The following SF3B1 variants were observed in gnomAD, a reference collection of about 807,000 sequenced individuals.
The protein encoded by SF3B1 is pre-mRNA processing 10.
A neutral mutation model predicts 153.8 loss-of-function variants in SF3B1; 12 were observed. That is an observed-to-expected ratio of 0.08 (90% CI 0.05 to 0.13). The LOEUF is 0.13. Ranked by LOEUF, SF3B1 falls within the 10% of genes least tolerant of loss-of-function variation. The pLI, the probability that SF3B1 is intolerant of heterozygous loss-of-function variation, is 1.00. For missense variants in SF3B1, 513 were observed against 1,606.1 expected (o/e 0.32, Z 11.63); for synonymous variants, 498 against 525.2 (o/e 0.95, Z 0.71).
rs762572327 is a variant in SF3B1 at position 197,393,140 on chromosome 2, T to C, written c.3588A>G (p.Ser1196=). 5.0e-6 allele frequency: 8 copies of C among 1,613,948 alleles called. No homozygotes were observed. The highest frequency in any genetic ancestry group is 6.8e-6 in the Non-Finnish European group (8 of 1,180,006). Residue 1196 remains serine (S), a synonymous_variant, in exon 24 of 25, where the codon TCA becomes TCG. Coordinates refer to ENST00000335508, the MANE Select transcript of SF3B1 (RefSeq NM_012433.4). ...CACAACCAAATCCATAAACCCCAAG[T>C]GACATGTGCTGTACCACTGCACTAG... ...QTASAVVQHM[S]LGVYGFGCED...
At chr2:197,396,469 G>T in intron 22 of SF3B1, 141 bp from the exon 23 acceptor site, 1 of 660,828 alleles carries the variant, frequency 1.5e-6, no homozygotes, top group Non-Finnish European at 2.5e-6. Flanking sequence ...ATACTTTCAA[G>T]TCACTGGCAT....
intron 5 of SF3B1, among the ~76,000 whole-genome samples, chr2:197,417,405 A>T (rs1024914909): frequency 3.3e-5 from 5 of 152,120 alleles, no homozygotes; most frequent in Non-Finnish European, 5.9e-5. Flanking sequence ...CATCCCATTT[A>T]ACTCATTCAA....
At chr2:197,423,278 T>A (rs58020244) in intron 2 of SF3B1, among the ~76,000 whole-genome samples, 21,096 of 151,344 alleles carry the variant, frequency 0.14, 1,838 homozygotes, top group Middle Eastern at 0.27. Flanking sequence ...TCCCAGCTAT[T>A]TGGGAGGCTG....
intron 6 of SF3B1, among the ~76,000 whole-genome samples, chr2:197,411,320 T>C (rs1474952374): frequency 3.9e-5 from 6 of 152,242 alleles, no homozygotes; most frequent in Admixed American, 3.9e-4. Flanking sequence ...TTTGTACTTA[T>C]ATACTGCCTC....
chr2:197,421,857 C>T (rs2244271), intron 2 of SF3B1, among the ~76,000 whole-genome samples: 107,043 of 151,808 alleles, frequency 0.71, 38,411 homozygotes, highest in Middle Eastern at 0.86. Context: ...GGTGTGCATA[C>T]GTAGTCCCAG....
At chr2:197,418,437 C>G in intron 5 of SF3B1, 72 bp downstream of exon 5, 1 of 1,145,162 alleles carries the variant, frequency 8.7e-7, no homozygotes, top group South Asian at 1.5e-5. Context: ...AAAAAGAAAC[C>G]TAACAGTCTC....
rs1407058339 is a variant in SF3B1, at chr2:197,390,589, C to CT, written c.*1713dup. The stretch of plus-strand genomic sequence containing the variant: ...CCAACTTGGAAACCCTTAATGCTCA[C>CT]TATCAATTTGTTGAAAGTCAATTTT... On this transcript the variant is annotated 3_prime_UTR_variant, in exon 25 of 25. Transcript: ENST00000335508. The CT allele has an allele frequency of 6.7e-6, 1 of 150,340 alleles. No individual in the cohort carries two copies. Among genetic ancestry groups the CT allele is most frequent in the Non-Finnish European group, 1.5e-5 (1 of 67,882 alleles). The allele number at this position is 150,340 out of a possible 1,614,324, so 9.3% of individuals were successfully genotyped here.
At chr2:197,399,065 C>G in intron 20 of SF3B1, 3 of 1,300,640 alleles carry the variant, frequency 2.3e-6, no homozygotes, top group Non-Finnish European at 3.0e-6. Flanking sequence ...AAGGAGGCAG[C>G]TGGCAGGGGC....
chr2:197,434,738 T>C (rs1008253573), intron 1 of SF3B1, among the ~76,000 whole-genome samples: 10 of 152,144 alleles, frequency 6.6e-5, no homozygotes, highest in African/African-American at 2.4e-4. Context: ...GAGAAGCTAC[T>C]CTGAAGTAGC....
intron 6 of SF3B1, among the ~76,000 whole-genome samples, chr2:197,410,395 A>G (rs1250908578): frequency 6.6e-6 from 1 of 151,882 alleles, no homozygotes; most frequent in Non-Finnish European, 1.5e-5. Flanking sequence ...AGAGACACAT[A>G]TTTAGGGGAG....
At position 197,392,403 on chromosome 2, in the gene SF3B1, A is replaced by T. The variant is rs763559216; in HGVS notation, c.3815T>A (p.Ile1272Asn). 1 of 1,613,100 alleles carries T rather than the reference A, an allele frequency of 6.2e-7. No homozygotes were observed. The highest frequency in any genetic ancestry group is 8.5e-7 in the Non-Finnish European group (1 of 1,179,234). The change falls in exon 25 of 25, where the codon ATC becomes AAC. Residue 1272 changes from isoleucine (I) to asparagine (N), a missense_variant. Around this residue, in one of 21 missense-constraint regions of SF3B1, gnomAD observed 33 missense variants for 43.5 expected, o/e 0.76. Transcript: ENST00000335508. ...GAGAGCGTCCTGGGAACCAATGTAG[A>T]TGGAGTTGTAAATTTTCCAATATAC... ...RDVYWKIYNS[I>N]YIGSQDALIA...
chr2:197,400,977 T>C lies in SF3B1; in HGVS notation c.2497-41A>G. The C allele has an allele frequency of 7.7e-7, 1 of 1,301,522 alleles. No individual in the cohort carries two copies. Among genetic ancestry groups the C allele is most frequent in the South Asian group, 1.3e-5 (1 of 79,702 alleles). 80.6% of individuals were successfully genotyped at this position (1,301,522 alleles called of 1,614,324 possible). A position where few individuals can be genotyped will look rare whatever the true frequency, so the allele number is the denominator to read the frequency against. On this transcript the variant is annotated intron_variant, in intron 17 of 24. Transcript: ENST00000335508. The surrounding 1 kb of genome is among the most constrained non-coding windows in gnomAD (Gnocchi z 5.0). ...AAACAAAAAACCTTTTAGACTGCTTTTCCAAGGAAATAAAGCAACATCATG... is the reference window on the plus strand; with the variant it reads ...AAACAAAAAACCTTTTAGACTGCTTCTCCAAGGAAATAAAGCAACATCATG...
At chr2:197,418,948 A>G in intron 4 of SF3B1, 1 of 1,598,560 alleles carries the variant, frequency 6.3e-7, no homozygotes, top group Non-Finnish European at 8.5e-7. Context: ...AGCAGAATAG[A>G]AGCCTAGAAA....
At chr2:197,412,673 A>G (rs914497426) in intron 6 of SF3B1, among the ~76,000 whole-genome samples, 1 of 150,692 alleles carries the variant, frequency 6.6e-6, no homozygotes, top group Non-Finnish European at 1.5e-5. Flanking sequence ...TGTAGTTTTT[A>G]TAAGAAAGAT....
chr2:197,408,228 T>C (rs1444344900), intron 8 of SF3B1, 109 bp from the exon 9 acceptor site: 6 of 1,309,276 alleles, frequency 4.6e-6, no homozygotes, highest in South Asian at 1.4e-5. Flanking sequence ...TTTTATATTA[T>C]AAACGCAAAC....
In SF3B1 at chr2:197,401,310, G is replaced by A. The variant is rs1009375104; in HGVS notation, c.2496+90C>T. ...CACATATAAACTGTGAGATAATCAA[G>A]GCAAAAAATAATATACAACATGCAT... On this transcript the variant is annotated intron_variant, in intron 17 of 24. Coordinates refer to ENST00000335508, the MANE Select transcript of SF3B1 (RefSeq NM_012433.4). The surrounding 1 kb of genome is among the most constrained non-coding windows in gnomAD (Gnocchi z 4.2). 8.3e-7 allele frequency: 1 copy of A among 1,202,918 alleles called. No individual in the cohort carries two copies. Among genetic ancestry groups the A allele is most frequent in the East Asian group, 2.4e-5 (1 of 42,070 alleles). The allele number at this position is 1,202,918 out of a possible 1,614,324, so 74.5% of individuals were successfully genotyped here.
intron 1 of SF3B1, among the ~76,000 whole-genome samples, chr2:197,429,742 C>T (rs1273543604): frequency 2.7e-5 from 4 of 150,852 alleles, no homozygotes; most frequent in Admixed American, 6.6e-5. Context: ...CGACATTGTG[C>T]GACTGCACTC....
Position 197,393,111 on chromosome 2 carries a change from T to G in SF3B1, c.3617A>C (p.Asp1206Ala). 6.2e-7 allele frequency: 1 copy of G among 1,614,044 alleles called. No homozygotes were observed. The highest frequency in any genetic ancestry group is 8.5e-7 in the Non-Finnish European group (1 of 1,179,896). ...ATAGTTCAACAAGTGATTCAGCGAA[T>G]CTTCACAACCAAATCCATAAACCCC... ...SLGVYGFGCE[D>A]SLNHLLNYVW... is the part of the protein sequence containing the mutation. Residue 1206 changes from aspartate (D) to alanine (A), a missense_variant, in exon 24 of 25, where the codon GAT (aspartate) becomes GCT (alanine). Coordinates refer to ENST00000335508, the MANE Select transcript of SF3B1 (RefSeq NM_012433.4).
chr2:197,412,332 C>G (rs533102886), intron 6 of SF3B1, among the ~76,000 whole-genome samples: 101 of 140,856 alleles, frequency 7.2e-4, no homozygotes, highest in Non-Finnish European at 1.2e-3. Context: ...AAGTCTGAGT[C>G]TCTGATTTAA....
Sources: gnomAD v4.1 joint callset for allele counts (sites outside exome capture counted in the v4.1 genomes callset) on GRCh38, gnomAD v4.1.1 for gene constraint, gnomAD v4.1.1 regional missense constraint, Gnocchi (gnomAD v3.1) non-coding constraint, MANE v1.5 for transcripts, NCBI Gene and HGNC (gene_info 2026-07-23, HGNC 2026-07-21) for gene names.